MACROD2: variants seen among roughly 807,000 people sequenced by gnomAD.
The protein encoded by MACROD2 is mono-ADP ribosylhydrolase 2.
Under a neutral mutation model 70.4 loss-of-function variants are expected in MACROD2, and 36 were observed. The observed-to-expected ratio is 0.51, with a 90% CI of 0.39 to 0.68. The LOEUF (loss-of-function observed/expected upper bound fraction) is 0.68, where lower values mean the gene tolerates loss of function less well. Among genes scored for constraint, MACROD2 ranks in the 30% least tolerant of loss-of-function variants. MACROD2 has a pLI of 0.00. For synonymous variants in MACROD2, 172 were observed against 178.8 expected, an observed-to-expected ratio of 0.96 and a Z score of 0.30; for missense variants, 496 against 538.4, an observed-to-expected ratio of 0.92 and a Z score of 0.78.
intron 5 of MACROD2, among the ~76,000 whole-genome samples, chr20:15,193,037 A>T (rs1185815143): frequency 6.6e-6 from 1 of 152,120 alleles, no homozygotes; most frequent in Non-Finnish European, 1.5e-5. Context: ...GGTGTCATTG[A>T]AGAAGCAAAT....
At chr20:14,411,503 G>A (rs2083748961) in intron 3 of MACROD2, among the ~76,000 whole-genome samples, 1 of 152,040 alleles carries the variant, frequency 6.6e-6, no homozygotes, top group Non-Finnish European at 1.5e-5. Context: ...TGTTGGGTAT[G>A]TTAGACCCTT....
chr20:15,552,777 CT>C (rs2048117022), intron 8 of MACROD2: 1 of 152,208 alleles, frequency 6.6e-6, no homozygotes, highest in Non-Finnish European at 1.5e-5. Context: ...ATCTCAGTCC[CT>C]CATTGGCACT....
At chr20:14,245,654 C>T (rs1389783051) in intron 3 of MACROD2, among the ~76,000 whole-genome samples, 2 of 152,112 alleles carry the variant, frequency 1.3e-5, no homozygotes, top group Non-Finnish European at 2.9e-5. Context: ...TGCCAGCTTC[C>T]TTTTGAATAG....
intron 3 of MACROD2, among the ~76,000 whole-genome samples, chr20:14,309,673 G>A (rs1338436064): frequency 6.6e-6 from 1 of 152,130 alleles, no homozygotes; most frequent in African/African-American, 2.4e-5. Context: ...CAGGAGAATA[G>A]AGAGAATTGC....
At chr20:14,600,343 TACACAC>T (rs1042255013) in intron 4 of MACROD2, among the ~76,000 whole-genome samples, 21 of 130,116 alleles carry the variant, frequency 1.6e-4, no homozygotes, top group Non-Finnish European at 1.9e-4. Context: ...TATATATATA[TACACAC>T]ACACACACAC....
intron 5 of MACROD2, among the ~76,000 whole-genome samples, chr20:15,003,700 C>G (rs766127803): frequency 6.6e-6 from 1 of 152,206 alleles, no homozygotes; most frequent in East Asian, 1.9e-4. Context: ...GGCCTTGCCC[C>G]CAAACTCAAA....
intron 5 of MACROD2, chr20:14,905,887 C>T (rs534641769): frequency 1.5e-4 from 23 of 152,252 alleles, no homozygotes; most frequent in African/African-American, 5.5e-4. Context: ...CTTTCCTGGA[C>T]CTCTTCCAGC....
At chr20:14,242,014 A>T (rs1276586608) in intron 3 of MACROD2, among the ~76,000 whole-genome samples, 1 of 152,170 alleles carries the variant, frequency 6.6e-6, no homozygotes, top group African/African-American at 2.4e-5. Flanking sequence ...TTTGTATTAT[A>T]TTAAAATGAG....
At chr20:15,065,545 T>C (rs527411586) in intron 5 of MACROD2, among the ~76,000 whole-genome samples, 162 of 151,388 alleles carry the variant, frequency 1.1e-3, no homozygotes, top group African/African-American at 3.6e-3. Context: ...TCCCAGCTAC[T>C]CCGGAGGCTG....
At chr20:14,044,388 A>C (rs2053437666) in intron 2 of MACROD2, among the ~76,000 whole-genome samples, 1 of 152,154 alleles carries the variant, frequency 6.6e-6, no homozygotes. Flanking sequence ...AAAGAGCGAA[A>C]GAACAAAGCT....
intron 8 of MACROD2, among the ~76,000 whole-genome samples, chr20:15,717,526 A>G (rs989462129): frequency 6.6e-6 from 1 of 152,316 alleles, no homozygotes; most frequent in East Asian, 1.9e-4. Flanking sequence ...CAAATGTCTA[A>G]ATCCTTCAAA....
chr20:15,163,024 A>G (rs1305182877), intron 5 of MACROD2, among the ~76,000 whole-genome samples: 1 of 152,128 alleles, frequency 6.6e-6, no homozygotes, highest in Non-Finnish European at 1.5e-5. Flanking sequence ...AGATGATCTA[A>G]GTTAAAGCAT....
At chr20:15,901,477 C>T (rs776206143) in intron 10 of MACROD2, among the ~76,000 whole-genome samples, 17 of 152,172 alleles carry the variant, frequency 1.1e-4, no homozygotes, top group Non-Finnish European at 1.9e-4. Flanking sequence ...CGCACCATCA[C>T]GACGGTAAAC....
Position 15,804,320 on chromosome 20 carries a change from A to G in MACROD2, c.646-58425A>G, listed in dbSNP as rs574561669. The stretch of plus-strand genomic sequence containing the variant: ...AATGCTGTCCTTATGTGTATACGAA[A>G]TCCTTATGCTTGCCTCACTTTGTTT... On this transcript the variant is annotated intron_variant, in intron 8 of 17. Transcript: ENST00000684519. Among the ~76,000 whole-genome samples, 5 of 152,312 alleles carry G rather than the reference A, an allele frequency of 3.3e-5. No individual in the cohort carries two copies. In the South Asian group the frequency reaches 1.0e-3, roughly 32 times the overall value.
intron 5 of MACROD2, among the ~76,000 whole-genome samples, chr20:15,090,907 C>T (rs1447445150): frequency 6.6e-6 from 1 of 151,992 alleles, no homozygotes; most frequent in Non-Finnish European, 1.5e-5. Flanking sequence ...GCTGACTTCC[C>T]CCTGCCATCA....
At chr20:15,448,141 G>A (rs976056518) in intron 7 of MACROD2, among the ~76,000 whole-genome samples, 1 of 152,108 alleles carries the variant, frequency 6.6e-6, no homozygotes, top group East Asian at 1.9e-4. Flanking sequence ...TAGGAGTGGA[G>A]AGGAGATGCT....
At chr20:14,089,245 A>G (rs1421451758) in intron 3 of MACROD2, among the ~76,000 whole-genome samples, 1 of 152,222 alleles carries the variant, frequency 6.6e-6, no homozygotes, top group Non-Finnish European at 1.5e-5. Context: ...CCAAGTGAAT[A>G]TACACTGTAA....
chr20:14,061,961 G>C (rs1179450701), intron 2 of MACROD2, among the ~76,000 whole-genome samples: 1 of 152,016 alleles, frequency 6.6e-6, no homozygotes, highest in African/African-American at 2.4e-5. Context: ...CTGATGTCTT[G>C]GCCCTTGTTC....
chr20:14,758,005 A>G, intron 5 of MACROD2: 1 of 767,788 alleles, frequency 1.3e-6, no homozygotes, highest in South Asian at 1.4e-5. Context: ...CAGCAACTGA[A>G]TTCCAGTTTA....
Sources: allele counts gnomAD v4.1 joint callset (sites outside exome capture counted in the v4.1 genomes callset), GRCh38; gene constraint gnomAD v4.1.1; transcripts MANE v1.5; gene names NCBI Gene and HGNC (gene_info 2026-07-23, HGNC 2026-07-21).